The following EPHA7 variants were observed in gnomAD, a reference collection of about 807,000 sequenced individuals.
The protein encoded by EPHA7 is EPH receptor A7.
Under a neutral mutation model 112.6 loss-of-function variants are expected in EPHA7, and 25 were observed. That is an observed-to-expected ratio of 0.22 (90% confidence interval 0.16 to 0.31). The LOEUF (loss-of-function observed/expected upper bound fraction) is 0.31. Among genes scored for constraint, EPHA7 ranks in the 10% least tolerant of loss-of-function variants. The pLI is 1.00. For synonymous variants in EPHA7, 437 were observed against 406.5 expected (o/e 1.07, Z -0.90); for missense variants, 962 against 1,212.6 (o/e 0.79, Z 3.07).
intron 5 of EPHA7, among the ~76,000 whole-genome samples, chr6:93,329,843 G>A (rs1239887705): frequency 6.6e-6 from 1 of 151,078 alleles, no homozygotes; most frequent in Non-Finnish European, 1.5e-5. Context: ...ACACTCATCA[G>A]CTGAAGTGAA....
chr6:93,385,918 G>C (rs963488812), intron 3 of EPHA7, among the ~76,000 whole-genome samples: 2 of 152,174 alleles, frequency 1.3e-5, no homozygotes, highest in Non-Finnish European at 2.9e-5. Flanking sequence ...CAGCAGGAGA[G>C]AGAAGTGCAG....
chr6:93,293,812 G>A (rs1382167718), intron 5 of EPHA7, among the ~76,000 whole-genome samples: 1 of 152,076 alleles, frequency 6.6e-6, no homozygotes, highest in Non-Finnish European at 1.5e-5. Context: ...GTTAATTATG[G>A]TTCCTTTGTC....
rs1769756891 is a variant in EPHA7, at chr6:93,243,153, T to C, written c.*273A>G. The stretch of plus-strand genomic sequence containing the variant: ...AAAGTCTATAAGACAAAAAGGAGGT[T>C]AGAGAGCTCAAGGTGTTTGGATGTT... On this transcript the variant is annotated 3_prime_UTR_variant, in exon 17 of 17. Coordinates refer to ENST00000369303, the MANE Select transcript of EPHA7 (RefSeq NM_004440.4). The C allele has an allele frequency of 3.2e-6, 1 of 309,736 alleles. No homozygotes were observed. Among genetic ancestry groups the C allele is most frequent in the Admixed American group, 4.9e-5 (1 of 20,550 alleles). The allele number at this position is 309,736 out of a possible 1,614,324, so 19.2% of individuals were successfully genotyped here.
Position 93,276,198 on chromosome 6 carries a change from G to A in EPHA7, c.1325-3776C>T, listed in dbSNP as rs747827254. On this transcript the variant is annotated intron_variant, in intron 5 of 16. Coordinates refer to ENST00000369303, the MANE Select transcript of EPHA7 (RefSeq NM_004440.4). ...AAGAGATTATCCTGGATTCTTCCCA[G>A]TGGGCACTATCTAGTCATACGAGCC... is the stretch of plus-strand genomic sequence containing the variant. Among the ~76,000 whole-genome samples the A allele has an allele frequency of 2.8e-4, 43 of 152,002 alleles. 1 individual carries two copies. Among genetic ancestry groups the A allele is most frequent in the Admixed American group, 4.6e-4 (7 of 15,226 alleles).
At chr6:93,394,472 A>C (rs1370737823) in intron 3 of EPHA7, among the ~76,000 whole-genome samples, 1 of 151,698 alleles carries the variant, frequency 6.6e-6, no homozygotes, top group Non-Finnish European at 1.5e-5. Context: ...AATAAGAAGA[A>C]CTGACTAAAC....
intron 3 of EPHA7, among the ~76,000 whole-genome samples, chr6:93,365,289 T>G (rs1260422237): frequency 2.0e-5 from 3 of 152,248 alleles, no homozygotes; most frequent in Admixed American, 1.3e-4. Flanking sequence ...TGAAACTTTC[T>G]GGGCTTTAAC....
rs1769719191 is a variant in EPHA7, at chr6:93,242,225, T to G, written c.*1201A>C. The G allele has an allele frequency of 5.1e-6, 1 of 197,706 alleles. No homozygotes were observed. The highest frequency in any genetic ancestry group is 6.1e-5 in the Admixed American group (1 of 16,524). The allele number at this position is 197,706 out of a possible 1,614,324, so 12.2% of individuals were successfully genotyped here. On this transcript the variant is annotated 3_prime_UTR_variant, in exon 17 of 17. Coordinates refer to ENST00000369303, the MANE Select transcript of EPHA7 (RefSeq NM_004440.4). ...AAAGAGTCCTTTCATTTAACAAGTT[T>G]CTTGCATCAGTGTTCACAAACAAAA...
intron 5 of EPHA7, among the ~76,000 whole-genome samples, chr6:93,338,763 G>A (rs538910331): frequency 6.6e-6 from 1 of 151,322 alleles, no homozygotes; most frequent in Non-Finnish European, 1.5e-5. Flanking sequence ...TAAAATAATT[G>A]TCTTCCAAAG....
At position 93,362,914 on chromosome 6, in the gene EPHA7, C is replaced by T. The variant is rs914940209; in HGVS notation, c.833-4503G>A. Among the ~76,000 whole-genome samples, 23 of 152,168 alleles carry T rather than the reference C, an allele frequency of 1.5e-4. No individual in the cohort carries two copies. The East Asian group carries it at 1.9e-3, about 13-fold the overall frequency. Reference sequence around the variant, plus strand: ...ATTATATTTCTAAGGATCCCCCTTCCGACAATCTTGTTGCTAGAAAATCCA... The same window carrying T: ...ATTATATTTCTAAGGATCCCCCTTCTGACAATCTTGTTGCTAGAAAATCCA... On this transcript the variant is annotated intron_variant, in intron 3 of 16. Transcript: ENST00000369303.
chr6:93,411,305 A>G (rs1402119488), intron 2 of EPHA7, 135 bp from the exon 3 acceptor site: 3 of 678,796 alleles, frequency 4.4e-6, no homozygotes, highest in Non-Finnish European at 7.5e-6. Flanking sequence ...TATAAACCAG[A>G]GAATGTAAGA....
At chr6:93,283,035 G>A (rs1430256323) in intron 5 of EPHA7, among the ~76,000 whole-genome samples, 3 of 152,220 alleles carry the variant, frequency 2.0e-5, no homozygotes, top group Non-Finnish European at 2.9e-5. Flanking sequence ...TGCGGCCCCG[G>A]TGCGGGATCC....
chr6:93,303,048 C>G (rs1223119295), intron 5 of EPHA7, among the ~76,000 whole-genome samples: 2 of 152,096 alleles, frequency 1.3e-5, no homozygotes, highest in Non-Finnish European at 2.9e-5. Flanking sequence ...TCAGGAATCA[C>G]AAGGCCATGT....
intron 13 of EPHA7, among the ~76,000 whole-genome samples, chr6:93,255,575 C>T (rs345734): frequency 0.097 from 14,694 of 151,896 alleles, 794 homozygotes; most frequent in Admixed American, 0.14. Context: ...TGTTTTTGTA[C>T]GTAACTATAT....
chr6:93,305,268 C>T (rs3912540), intron 5 of EPHA7, among the ~76,000 whole-genome samples: 25,389 of 149,946 alleles, frequency 0.17, 2,467 homozygotes, highest in Admixed American at 0.26. Flanking sequence ...CAGTAAAAGA[C>T]CAAAATAAAA....
intron 5 of EPHA7, among the ~76,000 whole-genome samples, chr6:93,349,063 G>A (rs762631681): frequency 1.5e-4 from 22 of 151,690 alleles, no homozygotes; most frequent in Non-Finnish European, 1.9e-4. Context: ...GGGCCTTTAC[G>A]TGTAAAGGAA....
intron 3 of EPHA7, among the ~76,000 whole-genome samples, chr6:93,400,337 C>T (rs1021846727): frequency 6.6e-6 from 1 of 151,956 alleles, no homozygotes; most frequent in African/African-American, 2.4e-5. Context: ...ACATATAAAT[C>T]ACTGGAAATA....
At chr6:93,394,231 G>A (rs1017870547) in intron 3 of EPHA7, among the ~76,000 whole-genome samples, 4 of 151,656 alleles carry the variant, frequency 2.6e-5, no homozygotes, top group Non-Finnish European at 5.9e-5. Flanking sequence ...GCTGAATTTA[G>A]TAGCTGTATG....
Position 93,254,636 on chromosome 6 carries a change from G to A in EPHA7, c.2532+11C>T. 1.2e-6 allele frequency: 2 copies of A among 1,609,162 alleles called. No individual in the cohort carries two copies. The highest frequency in any genetic ancestry group is 8.5e-7 in the Non-Finnish European group (1 of 1,176,860). On this transcript the variant is annotated intron_variant, in intron 14 of 16. Transcript: ENST00000369303. The stretch of plus-strand genomic sequence containing the variant: ...TTCAATCCTTTTTGTTTAAATGAAT[G>A]TAACACCTACATCTTGATTTGACAT...
chr6:93,378,494 C>T lies in EPHA7; in HGVS notation c.833-20083G>A, dbSNP rs529237493. 8.5e-5 allele frequency among the ~76,000 whole-genome samples: 13 copies of T among 152,106 alleles called. No individual in the cohort carries two copies. In the East Asian group the frequency reaches 2.3e-3, roughly 27 times the overall value. Reference sequence around the variant, plus strand: ...AATTAGTTTAGCGGGAACTGGACATCGAGAAAATCTTTGAGAAGGGAAATC... The same window carrying T: ...AATTAGTTTAGCGGGAACTGGACATTGAGAAAATCTTTGAGAAGGGAAATC... On this transcript the variant is annotated intron_variant, in intron 3 of 16. Coordinates refer to ENST00000369303, the MANE Select transcript of EPHA7 (RefSeq NM_004440.4).
Sources: gnomAD v4.1 joint callset for allele counts (sites outside exome capture counted in the v4.1 genomes callset) on GRCh38, gnomAD v4.1.1 for gene constraint, MANE v1.5 for transcripts, NCBI Gene and HGNC (gene_info 2026-07-23, HGNC 2026-07-21) for gene names.